The following CSMD2 variants were observed in gnomAD, a reference collection of about 807,000 sequenced individuals.
The protein encoded by CSMD2 is CUB and sushi domain-containing protein 2.
CSMD2 carries 130 observed loss-of-function variants against 398.5 expected under a neutral mutation model. The observed-to-expected ratio is 0.33, with a 90% confidence interval of 0.28 to 0.38. CSMD2 has a LOEUF of 0.38. CSMD2 is among the 10% of genes least tolerant of loss of function. The pLI, the probability that CSMD2 is intolerant of heterozygous loss-of-function variation, is 1.00. For synonymous variants in CSMD2, 1,828 were observed against 1,908.5 expected (o/e 0.96, Z 1.10); for missense variants, 3,829 against 4,764.9 (o/e 0.80, Z 5.78).
At chr1:33,681,676 A>G (rs1040086679) in intron 25 of CSMD2, among the ~76,000 whole-genome samples, 1 of 152,154 alleles carries the variant, frequency 6.6e-6, no homozygotes, top group Non-Finnish European at 1.5e-5. Context: ...TTAAAACACT[A>G]GAAATTTGGC....
At chr1:33,682,271 C>T (rs1277105554) in intron 25 of CSMD2, among the ~76,000 whole-genome samples, 1 of 152,136 alleles carries the variant, frequency 6.6e-6, no homozygotes, top group Non-Finnish European at 1.5e-5. Flanking sequence ...TAGGGTTCAC[C>T]CAGATAATCC....
intron 3 of CSMD2, among the ~76,000 whole-genome samples, chr1:33,965,876 A>C (rs1269726304): frequency 6.6e-6 from 1 of 152,206 alleles, no homozygotes; most frequent in Admixed American, 6.5e-5. Flanking sequence ...CCTTTCCATA[A>C]GCCATATGAC....
chr1:34,102,384 T>A (rs1660042060), intron 1 of CSMD2, among the ~76,000 whole-genome samples: 1 of 152,190 alleles, frequency 6.6e-6, no homozygotes. Flanking sequence ...TTGGTAATAT[T>A]TTTCCCTTGT....
intron 12 of CSMD2, among the ~76,000 whole-genome samples, chr1:33,778,675 A>G (rs574753): frequency 0.34 from 50,992 of 152,118 alleles, 9,546 homozygotes; most frequent in African/African-American, 0.5. Flanking sequence ...AAGGTATAGC[A>G]TTGCCTGCCC....
chr1:33,627,870 C>T (rs1024619706), intron 32 of CSMD2, among the ~76,000 whole-genome samples: 2 of 152,228 alleles, frequency 1.3e-5, no homozygotes, highest in Non-Finnish European at 2.9e-5. Context: ...ATGTGGATAA[C>T]GACCCTAGTG....
intron 6 of CSMD2, among the ~76,000 whole-genome samples, chr1:33,842,131 T>G (rs1660914716): frequency 6.6e-6 from 1 of 152,162 alleles, no homozygotes; most frequent in Non-Finnish European, 1.5e-5. Context: ...ATCATTTTGC[T>G]AAAACCACTT....
At chr1:33,843,810 C>T (rs1199483293) in intron 6 of CSMD2, among the ~76,000 whole-genome samples, 3 of 152,184 alleles carry the variant, frequency 2.0e-5, no homozygotes, top group African/African-American at 7.2e-5. Flanking sequence ...CTCCTCACGC[C>T]CTGGCTACTA....
intron 2 of CSMD2, among the ~76,000 whole-genome samples, chr1:34,057,140 A>T (rs1653922778): frequency 6.6e-6 from 1 of 152,090 alleles, no homozygotes; most frequent in South Asian, 2.1e-4. Context: ...GCCTAGCAGC[A>T]CTGCTGACTG....
chr1:33,978,983 A>T lies in CSMD2; in HGVS notation c.518-43029T>A, dbSNP rs142754487. Among the ~76,000 whole-genome samples the T allele has an allele frequency of 1.0e-3, 155 of 152,314 alleles. 1 individual carries two copies. The highest frequency in any genetic ancestry group is 3.3e-3 in the African/African-American group (138 of 41,564). On this transcript the variant is annotated intron_variant, in intron 3 of 70. Transcript: ENST00000373381. ...TAACTTGCCCAAAGCCACATCACAT[A>T]GTCAATAAGAATCAGAGTCAGGATC...
At chr1:33,802,632 T>G (rs1484280361) in intron 10 of CSMD2, among the ~76,000 whole-genome samples, 1 of 152,074 alleles carries the variant, frequency 6.6e-6, no homozygotes, top group African/African-American at 2.4e-5. Flanking sequence ...TCATAATCAT[T>G]CCATGACTAT....
At chr1:33,828,538 G>C (rs1014278697) in intron 6 of CSMD2, among the ~76,000 whole-genome samples, 4 of 152,174 alleles carry the variant, frequency 2.6e-5, no homozygotes, top group Admixed American at 2.0e-4. Flanking sequence ...TAGAGGAAGG[G>C]GAATGAGGAA....
At chr1:34,084,822 C>A (rs1179993465) in intron 2 of CSMD2, among the ~76,000 whole-genome samples, 9 of 151,954 alleles carry the variant, frequency 5.9e-5, no homozygotes, top group Non-Finnish European at 1.3e-4. Flanking sequence ...GTCAGTGTGG[C>A]GATTCCTCAG....
At chr1:33,682,592 T>G (rs1300336253) in intron 25 of CSMD2, among the ~76,000 whole-genome samples, 3 of 151,894 alleles carry the variant, frequency 2.0e-5, no homozygotes, top group Non-Finnish European at 4.4e-5. Flanking sequence ...AGAAAAGGAG[T>G]CTTAGGAGGG....
intron 25 of CSMD2, among the ~76,000 whole-genome samples, chr1:33,674,957 C>A (rs12755616): frequency 0.15 from 22,200 of 152,126 alleles, 2,014 homozygotes; most frequent in Admixed American, 0.23. Context: ...ACATTCAAAG[C>A]AGTGTGTAGA....
chr1:34,129,011 C>CCCCA lies in CSMD2; in HGVS notation c.187+35899_187+35900insTGGG, dbSNP rs1553325894. On this transcript the variant is annotated intron_variant, in intron 1 of 70. Coordinates refer to ENST00000373381, the MANE Select transcript of CSMD2 (RefSeq NM_001281956.2). ...CCACTACATACATGTGTACCCCCCC[C>CCCCA]CACACACACACACATATACATTTTG... Among the ~76,000 whole-genome samples, 129 of 149,984 alleles carry CCCCA rather than the reference C, an allele frequency of 8.6e-4. 1 individual carries two copies. Among genetic ancestry groups the CCCCA allele is most frequent in the African/African-American group, 2.5e-3 (104 of 40,806 alleles).
chr1:33,675,211 G>A (rs1644663775), intron 25 of CSMD2, among the ~76,000 whole-genome samples: 1 of 152,046 alleles, frequency 6.6e-6, no homozygotes, highest in Admixed American at 6.6e-5. Flanking sequence ...TAGACTGCTA[G>A]CAAGACTAAT....
At chr1:33,707,143 G>GA (rs1301785250) in intron 22 of CSMD2, among the ~76,000 whole-genome samples, 1 of 152,200 alleles carries the variant, frequency 6.6e-6, no homozygotes, top group Non-Finnish European at 1.5e-5. Flanking sequence ...CCCCCTTAGT[G>GA]AGGAAGCATG....
At chr1:33,616,833 A>G (rs916857283) in intron 39 of CSMD2, 73 bp downstream of exon 39, 8 of 1,167,816 alleles carry the variant, frequency 6.9e-6, no homozygotes, top group Non-Finnish European at 1.0e-5. Flanking sequence ...CTTGAACTCA[A>G]TGATACACTA....
At chr1:33,791,318 A>T (rs756724426) in intron 11 of CSMD2, among the ~76,000 whole-genome samples, 1 of 152,166 alleles carries the variant, frequency 6.6e-6, no homozygotes, top group Non-Finnish European at 1.5e-5. Context: ...TAATAACACC[A>T]GGGCTTAAGC....
Sources: gnomAD v4.1 joint callset for allele counts (sites outside exome capture counted in the v4.1 genomes callset) on GRCh38, gnomAD v4.1.1 for gene constraint, MANE v1.5 for transcripts, NCBI Gene and HGNC (gene_info 2026-07-23, HGNC 2026-07-21) for gene names.